CFAP54: variants seen among roughly 807,000 people sequenced by gnomAD.
The protein encoded by CFAP54 is cilia- and flagella-associated protein 54.
In CFAP54, 290 loss-of-function variants were observed where a neutral mutation model predicts 370.4. That is an observed-to-expected ratio of 0.78 (90% CI 0.71 to 0.86). CFAP54 has a LOEUF of 0.86. CFAP54 is among the 40% of genes least tolerant of loss of function. CFAP54 has a pLI of 0.00. For missense variants in CFAP54, 3,399 were observed against 3,528.7 expected (o/e 0.96, Z 0.93); for synonymous variants, 1,206 against 1,236.5 (o/e 0.98, Z 0.52).
At chr12:96,786,627 T>C in intron 61 of CFAP54, 48 bp from the exon 62 acceptor site, 1 of 1,322,438 alleles carries the variant, frequency 7.6e-7, no homozygotes, top group Non-Finnish European at 1.0e-6. Flanking sequence ...ATTGAGATCA[T>C]CCCGTTTTCT....
intron 36 of CFAP54, among the ~76,000 whole-genome samples, chr12:96,656,432 C>A (rs538659614): frequency 6.6e-6 from 1 of 151,758 alleles, no homozygotes; most frequent in Non-Finnish European, 1.5e-5. Context: ...GGCTGGAGTA[C>A]AATGGCACAA....
intron 1 of CFAP54, among the ~76,000 whole-genome samples, chr12:96,493,185 A>G (rs1954905802): frequency 6.6e-6 from 1 of 152,154 alleles, no homozygotes; most frequent in African/African-American, 2.4e-5. Context: ...GCCTTTATTT[A>G]TACAATAATT....
chr12:96,679,497 T>A, intron 39 of CFAP54, 103 bp from the exon 40 acceptor site: 1 of 1,276,734 alleles, frequency 7.8e-7, no homozygotes. Flanking sequence ...TTTAGCGGCT[T>A]TAGGTTGGGA....
rs138942308 is a variant in CFAP54 at position 96,791,626 on chromosome 12, T to A, written c.8680-703T>A. Among the ~76,000 whole-genome samples the A allele has an allele frequency of 6.6e-4, 101 of 152,134 alleles. No individual in the cohort carries two copies. The East Asian group carries it at 0.017, about 26-fold the overall frequency. ...AATATGTCTTATTTTCCATATGGCATTGCAAAAAAATACTATTGGAAAAAT... is the reference window on the plus strand; with the variant it reads ...AATATGTCTTATTTTCCATATGGCAATGCAAAAAAATACTATTGGAAAAAT... On this transcript the variant is annotated intron_variant, in intron 62 of 67. Coordinates refer to ENST00000524981, the MANE Select transcript of CFAP54 (RefSeq NM_001306084.2).
At chr12:96,500,977 A>C (rs1279598853) in intron 2 of CFAP54, 38 bp downstream of exon 2, 1 of 1,225,138 alleles carries the variant, frequency 8.2e-7, no homozygotes, top group South Asian at 1.3e-5. Context: ...AAAGAAGTTC[A>C]TTTGGCTAAT....
intron 67 of CFAP54, among the ~76,000 whole-genome samples, chr12:96,872,550 T>C (rs1592826912): frequency 2.0e-5 from 3 of 152,292 alleles, no homozygotes; most frequent in African/African-American, 7.2e-5. Context: ...CTGCCAGAGG[T>C]GAAATAAAAC....
chr12:96,773,041 A>T (rs892955959), intron 60 of CFAP54, among the ~76,000 whole-genome samples: 1 of 152,184 alleles, frequency 6.6e-6, no homozygotes, highest in Non-Finnish European at 1.5e-5. Context: ...CCCACCAGAG[A>T]TGTTACATGC....
intron 40 of CFAP54, chr12:96,682,379 T>C (rs1219751033): frequency 1.1e-6 from 1 of 944,938 alleles, no homozygotes; most frequent in Non-Finnish European, 1.3e-6. Context: ...TAAATTTTTT[T>C]TTTTTTGAGA....
intron 56 of CFAP54, among the ~76,000 whole-genome samples, chr12:96,755,129 T>A (rs954612335): frequency 6.6e-6 from 1 of 152,200 alleles, no homozygotes; most frequent in African/African-American, 2.4e-5. Flanking sequence ...CATAGAGAGT[T>A]TTCAGCCATT....
intron 63 of CFAP54, among the ~76,000 whole-genome samples, chr12:96,802,175 T>C (rs1425459984): frequency 6.6e-6 from 1 of 151,978 alleles, no homozygotes; most frequent in African/African-American, 2.4e-5. Flanking sequence ...CTCCTATGCA[T>C]ACCTAGAACA....
chr12:96,599,272 C>T (rs1956214973), intron 26 of CFAP54, among the ~76,000 whole-genome samples: 1 of 147,824 alleles, frequency 6.8e-6, no homozygotes, highest in Non-Finnish European at 1.5e-5. Context: ...GGTTTTCTGT[C>T]CTTGTGATAT....
chr12:96,527,518 C>A, intron 9 of CFAP54, 74 bp downstream of exon 9: 2 of 937,082 alleles, frequency 2.1e-6, no homozygotes, highest in Non-Finnish European at 1.5e-6. Context: ...ACATGGTAGT[C>A]CATACATAGG....
chr12:96,757,717 T>C, intron 58 of CFAP54, 129 bp downstream of exon 58: 1 of 531,110 alleles, frequency 1.9e-6, no homozygotes, highest in Non-Finnish European at 3.3e-6. Context: ...CATTTCTTTG[T>C]AGTTACACTT....
chr12:96,723,156 A>G (rs1415251404), intron 50 of CFAP54, among the ~76,000 whole-genome samples: 3 of 152,228 alleles, frequency 2.0e-5, no homozygotes, highest in Non-Finnish European at 4.4e-5. Flanking sequence ...CCCTGGAAGT[A>G]TATATGTCTA....
chr12:96,633,450 A>G (rs975472343), intron 32 of CFAP54, among the ~76,000 whole-genome samples: 1 of 152,200 alleles, frequency 6.6e-6, no homozygotes, highest in Non-Finnish European at 1.5e-5. Flanking sequence ...TTTGGATTAC[A>G]GCAAGTTTGC....
rs1325483255 is a variant in CFAP54 at position 96,621,693 on chromosome 12, G to A, written c.3743G>A (p.Ser1248Asn). The change falls in exon 27 of 68, where the codon AGT becomes AAT. Residue 1248 changes from serine (S) to asparagine (N), a missense_variant. By Grantham distance (46) the Ser-to-Asn change is conservative (BLOSUM62 1). This residue lies in a region of CFAP54 where 2,796 missense variants were observed against 2,869.7 expected (regional missense o/e 0.97). Transcript: ENST00000524981. ...GGATGCAAGTCTCTGTTTGATGGTAGTAATGAACAAGAAGAAATGCCAGAG... is the reference window on the plus strand; with the variant it reads ...GGATGCAAGTCTCTGTTTGATGGTAATAATGAACAAGAAGAAATGCCAGAG... ...TPGCKSLFDG[S>N]NEQEEMPEED... The A allele has an allele frequency of 2.6e-6, 4 of 1,526,110 alleles. No individual in the cohort carries two copies. The highest frequency in any genetic ancestry group is 1.8e-6 in the Non-Finnish European group (2 of 1,141,672). 94.5% of individuals were successfully genotyped at this position (1,526,110 alleles called of 1,614,324 possible).
rs1172880988 is a variant in CFAP54, at chr12:96,592,628, A to G, written c.3351A>G (p.Pro1117=). ...ATATTAAAGGCAATGAGATTTTCCC[A>G]TCTCAACAAGTAAGTGAATTAAAGT... ...CDNIKGNEIF[P]SQQIARLIEC... The change falls in exon 24 of 68, where the codon CCA becomes CCG. Residue 1117 remains proline, a synonymous_variant. Transcript: ENST00000524981. 1.7e-6 allele frequency: 2 copies of G among 1,165,244 alleles called. No homozygotes were observed. Among genetic ancestry groups the G allele is most frequent in the Non-Finnish European group, 2.3e-6 (2 of 874,216 alleles). 72.2% of individuals were successfully genotyped at this position (1,165,244 alleles called of 1,614,324 possible).
chr12:96,645,475 C>T (rs1956777640), intron 33 of CFAP54: 1 of 176,818 alleles, frequency 5.7e-6, no homozygotes, highest in Non-Finnish European at 1.2e-5. Flanking sequence ...GAAGAACATT[C>T]CATGCTTAGG....
At chr12:96,674,041 T>C (rs1957176214) in intron 39 of CFAP54, among the ~76,000 whole-genome samples, 1 of 152,238 alleles carries the variant, frequency 6.6e-6, no homozygotes, top group African/African-American at 2.4e-5. Context: ...ATGCCTTTTA[T>C]TGAAGCTGTT....
Sources: allele counts gnomAD v4.1 joint callset (sites outside exome capture counted in the v4.1 genomes callset), GRCh38; gene constraint gnomAD v4.1.1; regional missense constraint gnomAD v4.1.1; transcripts MANE v1.5; gene names NCBI Gene and HGNC (gene_info 2026-07-23, HGNC 2026-07-21).